The following KLF8 variants were observed in gnomAD, a reference collection of about 807,000 sequenced individuals.
KLF8 encodes the protein KLF transcription factor 8.
Under a neutral mutation model 18.2 loss-of-function variants are expected in KLF8, and 10 were observed. The ratio of observed to expected loss-of-function variants is 0.55; its 90% confidence interval spans 0.34 to 0.93. KLF8 has a LOEUF of 0.93. Ranked by LOEUF, KLF8 falls within the 40% of genes least tolerant of loss-of-function variation. The pLI is 0.02. For synonymous variants in KLF8, 109 were observed against 97.3 expected, an observed-to-expected ratio of 1.12 and a Z score of -0.71; for missense variants, 264 against 277.9, an observed-to-expected ratio of 0.95 and a Z score of 0.36.
At chrX:56,156,547 G>T in the KLF8 span, among the ~76,000 whole-genome samples, 1 of 109,852 alleles carries the variant, frequency 9.1e-6, no homozygotes, top group Non-Finnish European at 1.9e-5. Context: ...TCCATCCATT[G>T]CCCTTCAAAG....
intron 3 of KLF8, chrX:56,266,950 T>C (rs1372652461): frequency 2.7e-6 from 2 of 751,886 alleles, no homozygotes; most frequent in Non-Finnish European, 1.6e-6. Context: ...ATGATAAGTG[T>C]TCATAATCTT....
chrX:55,970,110 AC>A, the KLF8 span, among the ~76,000 whole-genome samples: 15 of 111,366 alleles, frequency 1.3e-4, no homozygotes, highest in African/African-American at 4.9e-4. Flanking sequence ...TCAAAGCCAG[AC>A]AAAAACACAT....
At chrX:56,014,829 T>TTG in the KLF8 span, 1 of 97,590 alleles carries the variant, frequency 1.0e-5, no homozygotes, top group African/African-American at 3.8e-5. Context: ...TTTTTTTTTT[T>TTG]TTTTTTTTTT....
At chrX:56,266,508 A>G (rs756327362) in intron 3 of KLF8, 1 of 749,009 alleles carries the variant, frequency 1.3e-6, no homozygotes, top group Admixed American at 8.8e-5. Context: ...AATTTGATGA[A>G]CAAACAAACT....
the KLF8 span, among the ~76,000 whole-genome samples, chrX:56,102,460 T>C: frequency 6.4e-4 from 71 of 111,762 alleles, no homozygotes; most frequent in African/African-American, 2.1e-3. Context: ...GCATGTATTT[T>C]AGAATAGTTT....
chrX:56,173,063 G>A, the KLF8 span, among the ~76,000 whole-genome samples: 1 of 109,200 alleles, frequency 9.2e-6, no homozygotes, highest in Non-Finnish European at 1.9e-5. Context: ...TGTTCACTCT[G>A]ATGGTAGTTT....
the KLF8 span, among the ~76,000 whole-genome samples, chrX:56,166,421 C>G: frequency 9.0e-6 from 1 of 111,682 alleles, no homozygotes; most frequent in Non-Finnish European, 1.9e-5. Context: ...GGACAAGTAT[C>G]AATGCAGTGA....
chrX:56,080,857 CT>C, the KLF8 span, among the ~76,000 whole-genome samples: 3 of 110,656 alleles, frequency 2.7e-5, no homozygotes, highest in African/African-American at 9.9e-5. Context: ...TATTTTTATT[CT>C]TTTTTCTCTA....
At chrX:56,027,550 G>A in the KLF8 span, among the ~76,000 whole-genome samples, 1 of 112,475 alleles carries the variant, frequency 8.9e-6, no homozygotes, top group Non-Finnish European at 1.9e-5. Context: ...TCTAGAGCCC[G>A]AGTTAAAGCA....
chrX:55,962,996 A>G, the KLF8 span, among the ~76,000 whole-genome samples: 1 of 112,405 alleles, frequency 8.9e-6, no homozygotes, highest in Admixed American at 9.4e-5. Context: ...ACCAATCAGT[A>G]TGCTGACATT....
the KLF8 span, among the ~76,000 whole-genome samples, chrX:56,052,500 A>C: frequency 8.9e-6 from 1 of 111,791 alleles, no homozygotes; most frequent in Non-Finnish European, 1.9e-5. Flanking sequence ...CAGGACCCTC[A>C]GCTGCATGTC....
intron 3 of KLF8, chrX:56,268,902 T>C (rs1304932254): frequency 1.1e-6 from 1 of 944,671 alleles, no homozygotes; most frequent in Admixed American, 3.6e-5. Flanking sequence ...CATTGACTTA[T>C]TTCTGTTTAG....
At chrX:55,995,996 C>T in the KLF8 span, among the ~76,000 whole-genome samples, 1 of 111,396 alleles carries the variant, frequency 9.0e-6, no homozygotes, top group Admixed American at 9.5e-5. Context: ...TCGGGGACAC[C>T]AATGAGTCAT....
At chrX:56,014,925 A>G in the KLF8 span, 1 of 97,641 alleles carries the variant, frequency 1.0e-5, no homozygotes, top group African/African-American at 3.9e-5. Flanking sequence ...GTTCTCACTT[A>G]TAAGTGGGAA....
At chrX:56,188,019 G>A in the KLF8 span, among the ~76,000 whole-genome samples, 1 of 111,183 alleles carries the variant, frequency 9.0e-6, no homozygotes, top group Non-Finnish European at 1.9e-5. Context: ...GGAAGTTCTG[G>A]CCAGGGCAAT....
chrX:55,961,595 C>A, the KLF8 span: 37 of 479,851 alleles, frequency 7.7e-5, no homozygotes, highest in South Asian at 9.5e-4. Context: ...ACTGTGCATA[C>A]CATTTCTGGA....
the KLF8 span, among the ~76,000 whole-genome samples, chrX:55,988,444 T>C: frequency 7.1e-5 from 8 of 112,304 alleles, no homozygotes; most frequent in South Asian, 2.6e-3. Context: ...CCCAGCACCA[T>C]TTATTAAATA....
the KLF8 span, among the ~76,000 whole-genome samples, chrX:55,992,230 A>T: frequency 1.8e-5 from 2 of 112,328 alleles, no homozygotes; most frequent in Non-Finnish European, 3.8e-5. Context: ...TTATAGTTTT[A>T]GGTTTTGCAT....
chrX:56,260,358 T>C, intron 2 of KLF8, among the ~76,000 whole-genome samples: 1 of 112,227 alleles, frequency 8.9e-6, no homozygotes, highest in Non-Finnish European at 1.9e-5. Flanking sequence ...AGAGTAAGCA[T>C]AAATATTAAA....
Sources: allele counts gnomAD v4.1 joint callset (sites outside exome capture counted in the v4.1 genomes callset), GRCh38; gene constraint gnomAD v4.1.1; transcripts MANE v1.5; gene names NCBI Gene and HGNC (gene_info 2026-07-23, HGNC 2026-07-21).